FILIP1L: variants seen among roughly 807,000 people sequenced by gnomAD.
FILIP1L encodes filamin A-interacting protein 1-like.
Under a neutral mutation model 96.6 loss-of-function variants are expected in FILIP1L, and 55 were observed. The observed-to-expected ratio is 0.57, with a 90% CI of 0.46 to 0.71. The LOEUF (loss-of-function observed/expected upper bound fraction) is 0.71. FILIP1L is among the 30% of genes least tolerant of loss of function. The pLI is 0.00. For missense variants in FILIP1L, 1,304 were observed against 1,321.2 expected (o/e 0.99, Z 0.20); for synonymous variants, 467 against 473.9 (o/e 0.99, Z 0.19).
At chr3:100,084,237 C>T (rs2065972675) in intron 1 of FILIP1L, among the ~76,000 whole-genome samples, 1 of 152,106 alleles carries the variant, frequency 6.6e-6, no homozygotes. Context: ...TAATAGCAGC[C>T]TTTGGAGTGG....
chr3:100,083,446 A>G (rs1377978464), intron 1 of FILIP1L, among the ~76,000 whole-genome samples: 1 of 152,328 alleles, frequency 6.6e-6, no homozygotes, highest in East Asian at 1.9e-4. Flanking sequence ...GGTGGAGCCC[A>G]GTGATCTGTA....
Position 99,910,716 on chromosome 3 carries a change from C to A in FILIP1L, c.605+13514G>T, listed in dbSNP as rs1224375517. On this transcript the variant is annotated intron_variant, in intron 4 of 5. Coordinates refer to ENST00000477258, the MANE Select transcript of FILIP1L (RefSeq NM_001387850.1). ...CCCTTTGGCCTATAGATCTCAAATT[C>A]TTTGCCCAAATAGTTACCCATACTC... 4.7e-5 allele frequency among the ~76,000 whole-genome samples: 4 copies of A among 85,384 alleles called. 2 individuals are homozygous for A. The highest frequency in any genetic ancestry group is 5.7e-4 in the East Asian group (2 of 3,486). The allele number at this position is 85,384 out of a possible 152,430, so 56.0% of individuals were successfully genotyped here.
chr3:99,848,834 T>A lies in FILIP1L; in HGVS notation c.2842A>T (p.Ile948Phe). ...GGTGTTATGGAGGCGTTTTGGAGGA[T>A]GGTTATCCTTTGCTTTGGCGTGCCA... ...NCGTPKQRITILQNASITPVK... is the reference protein window; with the variant it reads ...NCGTPKQRITFLQNASITPVK... The change falls in exon 5 of 6, where the codon ATC becomes TTC. Residue 948 changes from isoleucine (I) to phenylalanine (F), a missense_variant. By Grantham distance (21) the Ile-to-Phe change is conservative (BLOSUM62 0). Transcript: ENST00000477258. The A allele has an allele frequency of 6.2e-7, 1 of 1,614,160 alleles. No homozygotes were observed. Among genetic ancestry groups the A allele is most frequent in the East Asian group, 2.2e-5 (1 of 44,884 alleles).
intron 1 of FILIP1L, among the ~76,000 whole-genome samples, chr3:100,072,965 T>C (rs1472201424): frequency 6.6e-6 from 1 of 152,232 alleles, no homozygotes; most frequent in Non-Finnish European, 1.5e-5. Flanking sequence ...TGATAGCATA[T>C]GTTTGAAGAG....
chr3:99,835,878 T>C (rs565699544), intron 5 of FILIP1L, among the ~76,000 whole-genome samples: 17 of 152,286 alleles, frequency 1.1e-4, no homozygotes, highest in African/African-American at 4.1e-4. Flanking sequence ...AGTAGGATTT[T>C]AGTATGAGGA....
intron 1 of FILIP1L, among the ~76,000 whole-genome samples, chr3:99,971,073 CA>C (rs1469304566): frequency 2.0e-5 from 3 of 152,152 alleles, no homozygotes; most frequent in Non-Finnish European, 4.4e-5. Context: ...CGTGGTGGCT[CA>C]CGCCTGTAAT....
In FILIP1L at chr3:99,941,032, T is replaced by C. The variant is rs147921287; in HGVS notation, c.-10-10002A>G. Among the ~76,000 whole-genome samples, 4 of 152,374 alleles carry C rather than the reference T, an allele frequency of 2.6e-5. No homozygotes were observed. The East Asian group carries it at 5.8e-4, about 22-fold the overall frequency. The stretch of plus-strand genomic sequence containing the variant: ...CAGGTATACTCCATTTATCTTCCTA[T>C]AACTGGCAGAAAGTTTAATAACTTC... On this transcript the variant is annotated intron_variant, in intron 1 of 5. Transcript: ENST00000477258.
chr3:99,951,996 C>A (rs781354662), intron 1 of FILIP1L, among the ~76,000 whole-genome samples: 1 of 152,138 alleles, frequency 6.6e-6, no homozygotes, highest in African/African-American at 2.4e-5. Flanking sequence ...TGCCCCCACA[C>A]CCTTAGTTGA....
At chr3:100,040,195 C>G (rs1264663339) in intron 1 of FILIP1L, 4 of 152,102 alleles carry the variant, frequency 2.6e-5, no homozygotes, top group South Asian at 2.1e-4. Flanking sequence ...ATCTCTGGAA[C>G]AGGTAACCAT....
intron 5 of FILIP1L, among the ~76,000 whole-genome samples, chr3:99,835,954 T>TG (rs1453944722): frequency 6.6e-6 from 1 of 152,084 alleles, no homozygotes; most frequent in Non-Finnish European, 1.5e-5. Flanking sequence ...CCCAGTAGTA[T>TG]GTGGGAGGAT....
intron 1 of FILIP1L, among the ~76,000 whole-genome samples, chr3:100,008,590 A>G (rs1304460928): frequency 1.3e-5 from 2 of 152,242 alleles, no homozygotes; most frequent in East Asian, 3.8e-4. Context: ...GGACAATAGC[A>G]AAGACAGGGA....
At chr3:100,015,855 G>T (rs938670411) in intron 1 of FILIP1L, among the ~76,000 whole-genome samples, 3 of 152,164 alleles carry the variant, frequency 2.0e-5, no homozygotes, top group Admixed American at 2.0e-4. Context: ...GATCATTGTA[G>T]GGAATAATGA....
intron 4 of FILIP1L, among the ~76,000 whole-genome samples, chr3:99,881,689 C>T (rs780330263): frequency 6.6e-5 from 10 of 152,152 alleles, no homozygotes; most frequent in Middle Eastern, 3.4e-3. Context: ...TGTGCTACCA[C>T]GCCTGGCTAA....
intron 4 of FILIP1L, among the ~76,000 whole-genome samples, chr3:99,915,048 A>AT (rs968483802): frequency 3.3e-5 from 5 of 151,994 alleles, no homozygotes; most frequent in South Asian, 2.1e-4. Context: ...TTTTAGGATC[A>AT]TTTTTTTTCT....
intron 1 of FILIP1L, among the ~76,000 whole-genome samples, chr3:100,073,208 TATAA>T (rs1249826790): frequency 1.3e-5 from 2 of 152,212 alleles, no homozygotes; most frequent in African/African-American, 4.8e-5. Context: ...CACCTGTTTT[TATAA>T]ATAAAGTTTT....
At chr3:99,961,198 G>A (rs544888638) in intron 1 of FILIP1L, among the ~76,000 whole-genome samples, 2 of 152,236 alleles carry the variant, frequency 1.3e-5, no homozygotes, top group Non-Finnish European at 2.9e-5. Context: ...GGATGAGGGA[G>A]GTGGTGCGGA....
At chr3:99,952,661 C>T (rs1417609812) in intron 1 of FILIP1L, among the ~76,000 whole-genome samples, 1 of 152,068 alleles carries the variant, frequency 6.6e-6, no homozygotes, top group Non-Finnish European at 1.5e-5. Context: ...GAGCACTGTT[C>T]AAGAAGCATG....
chr3:100,076,962 A>G (rs11917506), intron 1 of FILIP1L, among the ~76,000 whole-genome samples: 10 of 152,220 alleles, frequency 6.6e-5, no homozygotes, highest in African/African-American at 2.4e-4. Flanking sequence ...GTCTCTTCCC[A>G]GAAGACCCTT....
chr3:100,091,736 G>C (rs1576047177), intron 1 of FILIP1L, among the ~76,000 whole-genome samples: 1 of 152,192 alleles, frequency 6.6e-6, no homozygotes, highest in East Asian at 1.9e-4. Flanking sequence ...TTTTCTACCA[G>C]TATCATTAGT....
Sources: allele counts gnomAD v4.1 joint callset (sites outside exome capture counted in the v4.1 genomes callset), GRCh38; gene constraint gnomAD v4.1.1; transcripts MANE v1.5; gene names NCBI Gene and HGNC (gene_info 2026-07-23, HGNC 2026-07-21).